The following CHRM2 variants were observed in gnomAD, a reference collection of about 807,000 sequenced individuals.
The protein encoded by CHRM2 is muscarinic acetylcholine receptor M2.
Under a neutral mutation model 25.0 loss-of-function variants are expected in CHRM2, and 8 were observed. The observed-to-expected ratio is 0.32, with a 90% confidence interval of 0.19 to 0.58. The LOEUF (loss-of-function observed/expected upper bound fraction) is 0.58. Among genes scored for constraint, CHRM2 ranks in the 20% least tolerant of loss-of-function variants. CHRM2 has a pLI of 0.88. For synonymous variants in CHRM2, 202 were observed against 205.7 expected (o/e 0.98, Z 0.15); for missense variants, 440 against 567.1 (o/e 0.78, Z 2.28).
chr7:136,999,729 G>A (rs1318495149), intron 3 of CHRM2, among the ~76,000 whole-genome samples: 1 of 152,106 alleles, frequency 6.6e-6, no homozygotes, highest in Non-Finnish European at 1.5e-5. Context: ...CTACATACAG[G>A]ATAAGTAAAT....
chr7:137,015,766 A>G lies in CHRM2; in HGVS notation c.901A>G (p.Ile301Val). Residue 301 changes from isoleucine (I) to valine (V), a missense_variant, in exon 4 of 4, where the codon ATA (isoleucine) becomes GTA (valine). Transcript: ENST00000680005. This position sits in a 1 kb window ranked among gnomAD's most constrained non-coding sequence, Gnocchi z 5.1. The stretch of plus-strand genomic sequence containing the variant: ...TGCCTCTAATATGAGAGATGATGAA[A>G]TAACCCAGGATGAAAACACAGTTTC... ...AVASNMRDDE[I>V]TQDENTVSTS... is the part of the protein sequence containing the mutation. The G allele has an allele frequency of 6.2e-7, 1 of 1,613,224 alleles. No homozygotes were observed. The highest frequency in any genetic ancestry group is 2.2e-5 in the East Asian group (1 of 44,748).
chr7:136,904,081 G>A (rs115864659), intron 2 of CHRM2, among the ~76,000 whole-genome samples: 3 of 151,670 alleles, frequency 2.0e-5, no homozygotes, highest in South Asian at 2.1e-4. Flanking sequence ...ATCTACATTT[G>A]CAAGTGAAAC....
chr7:136,979,223 G>A (rs1802315160), intron 2 of CHRM2, among the ~76,000 whole-genome samples: 1 of 152,134 alleles, frequency 6.6e-6, no homozygotes, highest in Admixed American at 6.5e-5. Context: ...TGTTTTTCAT[G>A]TTTGTTGGCT....
At chr7:136,913,530 A>G (rs1797953739) in intron 2 of CHRM2, among the ~76,000 whole-genome samples, 2 of 151,954 alleles carry the variant, frequency 1.3e-5, no homozygotes, top group Non-Finnish European at 2.9e-5. Context: ...GTAGATGTGT[A>G]ATAAGGTAAC....
At chr7:136,964,130 T>C (rs895606740) in intron 2 of CHRM2, among the ~76,000 whole-genome samples, 1 of 152,100 alleles carries the variant, frequency 6.6e-6, no homozygotes, top group Non-Finnish European at 1.5e-5. Context: ...GTGTATCTAG[T>C]GAAAGAAAAG....
chr7:136,978,424 C>G (rs1168474694), intron 2 of CHRM2, among the ~76,000 whole-genome samples: 1 of 152,020 alleles, frequency 6.6e-6, no homozygotes, highest in African/African-American at 2.4e-5. Flanking sequence ...ACTGAAAAGG[C>G]TGAATTTTAA....
chr7:136,978,739 T>C (rs1406329296), intron 2 of CHRM2, among the ~76,000 whole-genome samples: 1 of 152,178 alleles, frequency 6.6e-6, no homozygotes, highest in Non-Finnish European at 1.5e-5. Context: ...CTGAGAATGA[T>C]GGTTACCAGC....
Position 136,913,057 on chromosome 7 carries a change from A to G in CHRM2, c.-125+43639A>G, listed in dbSNP as rs190632335. 1.4e-3 allele frequency among the ~76,000 whole-genome samples: 214 copies of G among 151,990 alleles called. 2 individuals carry two copies. Among genetic ancestry groups the G allele is most frequent in the African/African-American group, 4.9e-3 (203 of 41,510 alleles). On this transcript the variant is annotated intron_variant, in intron 2 of 3. Transcript: ENST00000680005. Reference sequence around the variant, plus strand: ...AGAAAACCTAGAATACAAGTGGAAAACTGATTTTTATATGTTATTTCATAG... The same window carrying G: ...AGAAAACCTAGAATACAAGTGGAAAGCTGATTTTTATATGTTATTTCATAG...
At position 137,019,450 on chromosome 7, in the gene CHRM2, T is replaced by C. The variant is rs1002629623; in HGVS notation, c.*3184T>C. The C allele has an allele frequency of 2.6e-5, 4 of 151,926 alleles. No individual in the cohort carries two copies. The highest frequency in any genetic ancestry group is 9.7e-5 in the African/African-American group (4 of 41,430). 9.4% of individuals were successfully genotyped at this position (151,926 alleles called of 1,614,324 possible). A position where few individuals can be genotyped will look rare whatever the true frequency, so the allele number is the denominator to read the frequency against. On this transcript the variant is annotated 3_prime_UTR_variant, in exon 4 of 4. Transcript: ENST00000680005. Reference sequence around the variant, plus strand: ...TGGCCATCAAAATATTTGCAGTTGATATGATCAGTTTCTACTGGAGCTGCA... The same window carrying C: ...TGGCCATCAAAATATTTGCAGTTGACATGATCAGTTTCTACTGGAGCTGCA...
chr7:137,011,209 GTGTGTGTA>G (rs1804786985), intron 3 of CHRM2, among the ~76,000 whole-genome samples: 1 of 120,254 alleles, frequency 8.3e-6, no homozygotes. Flanking sequence ...GTGTGTGTGT[GTGTGTGTA>G]TATATATATA....
intron 2 of CHRM2, among the ~76,000 whole-genome samples, chr7:136,941,980 A>C (rs145139067): frequency 6.6e-6 from 1 of 152,086 alleles, no homozygotes; most frequent in Non-Finnish European, 1.5e-5. Context: ...CCTCAACAGG[A>C]ACTTTCTATC....
intron 2 of CHRM2, among the ~76,000 whole-genome samples, chr7:136,971,157 A>G (rs914447407): frequency 6.6e-6 from 1 of 152,196 alleles, no homozygotes; most frequent in Non-Finnish European, 1.5e-5. Flanking sequence ...CAGATCTCAG[A>G]GATCATCTAG....
At chr7:136,917,316 T>A (rs1798176966) in intron 2 of CHRM2, among the ~76,000 whole-genome samples, 2 of 152,010 alleles carry the variant, frequency 1.3e-5, no homozygotes, top group Admixed American at 1.3e-4. Flanking sequence ...AGTCTCAATT[T>A]TCTTATCCTT....
intron 2 of CHRM2, among the ~76,000 whole-genome samples, chr7:136,946,597 G>A (rs2130838147): frequency 6.6e-6 from 1 of 152,162 alleles, no homozygotes; most frequent in African/African-American, 2.4e-5. Context: ...GGGTTTATTT[G>A]TTCTATTTTT....
chr7:136,884,026 G>A (rs1796365194), intron 2 of CHRM2, among the ~76,000 whole-genome samples: 1 of 152,022 alleles, frequency 6.6e-6, no homozygotes, highest in Non-Finnish European at 1.5e-5. Context: ...ATTAATCATT[G>A]CAGTATCTAC....
At chr7:136,938,612 A>G in intron 2 of CHRM2, 1 of 877,988 alleles carries the variant, frequency 1.1e-6, no homozygotes, top group Admixed American at 1.8e-5. Context: ...GCTGCTGTCC[A>G]CTCGGGAGAA....
chr7:136,985,338 C>T lies in CHRM2; in HGVS notation c.-124-6849C>T, dbSNP rs565617293. On this transcript the variant is annotated intron_variant, in intron 2 of 3. Coordinates refer to ENST00000680005, the MANE Select transcript of CHRM2 (RefSeq NM_001006630.2). Reference sequence around the variant, plus strand: ...CAGCCTGACCAACATGATGAAACCCCGTCTCTACTAAAAATACAAAAATTA... The same window carrying T: ...CAGCCTGACCAACATGATGAAACCCTGTCTCTACTAAAAATACAAAAATTA... Among the ~76,000 whole-genome samples, 35 of 151,688 alleles carry T rather than the reference C, an allele frequency of 2.3e-4. 1 individual carries two copies. In the South Asian group the frequency reaches 2.7e-3, roughly 12 times the overall value.
rs73447175 is a variant in CHRM2, at chr7:137,016,504, C to T, written c.*238C>T. 4.0e-5 allele frequency: 21 copies of T among 519,488 alleles called. No individual in the cohort carries two copies. The highest frequency in any genetic ancestry group is 7.1e-5 in the Non-Finnish European group (20 of 280,132). 32.2% of individuals were successfully genotyped at this position (519,488 alleles called of 1,614,324 possible). On this transcript the variant is annotated 3_prime_UTR_variant, in exon 4 of 4. Transcript: ENST00000680005. ...GACAATGAAAGAAACATGTTGGGAT[C>T]GTGGATTTAAGAAACTATACACTGT...
At chr7:136,896,226 A>C (rs879743577) in intron 2 of CHRM2, among the ~76,000 whole-genome samples, 1 of 152,148 alleles carries the variant, frequency 6.6e-6, no homozygotes, top group Non-Finnish European at 1.5e-5. Flanking sequence ...TAACCTTTGA[A>C]AAATCTTTGA....
Sources: gnomAD v4.1 joint callset for allele counts (sites outside exome capture counted in the v4.1 genomes callset) on GRCh38, gnomAD v4.1.1 for gene constraint, Gnocchi (gnomAD v3.1) non-coding constraint, MANE v1.5 for transcripts, NCBI Gene and HGNC (gene_info 2026-07-23, HGNC 2026-07-21) for gene names.